PRKG1: variants seen among roughly 807,000 people sequenced by gnomAD.
The protein encoded by PRKG1 is protein kinase cGMP-dependent 1, also known as cGMP-dependent protein kinase 1.
Under a neutral mutation model 88.1 loss-of-function variants are expected in PRKG1, and 35 were observed. The observed-to-expected ratio is 0.40, with a 90% CI of 0.30 to 0.53. The LOEUF (loss-of-function observed/expected upper bound fraction) is 0.53, where lower values mean the gene tolerates loss of function less well. Ranked by LOEUF, PRKG1 falls within the 20% of genes least tolerant of loss-of-function variation. The pLI, the probability that PRKG1 is intolerant of heterozygous loss-of-function variation, is 0.59. For synonymous variants in PRKG1, 303 were observed against 292.5 expected, an observed-to-expected ratio of 1.04 and a Z score of -0.37; for missense variants, 540 against 839.8, an observed-to-expected ratio of 0.64 and a Z score of 4.41.
intron 2 of PRKG1, among the ~76,000 whole-genome samples, chr10:51,388,819 G>A (rs1163272923): frequency 2.0e-5 from 3 of 152,202 alleles, no homozygotes; most frequent in African/African-American, 4.8e-5. Flanking sequence ...AAGGTGGTCT[G>A]GTTAAAAGGA....
chr10:51,351,506 T>C (rs779427005), intron 2 of PRKG1, among the ~76,000 whole-genome samples: 5 of 147,872 alleles, frequency 3.4e-5, no homozygotes, highest in Non-Finnish European at 5.9e-5. Context: ...TCATCATCAG[T>C]GATGATGAGT....
intron 9 of PRKG1, among the ~76,000 whole-genome samples, chr10:52,224,142 A>G (rs1840319459): frequency 6.6e-6 from 1 of 152,100 alleles, no homozygotes; most frequent in South Asian, 2.1e-4. Flanking sequence ...GCCCCAGACA[A>G]CTTGCACCCC....
intron 11 of PRKG1, among the ~76,000 whole-genome samples, chr10:52,272,162 T>A (rs1841745213): frequency 6.6e-6 from 1 of 152,090 alleles, no homozygotes; most frequent in Non-Finnish European, 1.5e-5. Flanking sequence ...TTGTCCATAA[T>A]CATTATGATT....
chr10:51,982,459 T>C (rs1342818495), intron 5 of PRKG1, among the ~76,000 whole-genome samples: 1 of 152,226 alleles, frequency 6.6e-6, no homozygotes, highest in Non-Finnish European at 1.5e-5. Context: ...TTCTTCATGC[T>C]TTGAAGTCGC....
intron 2 of PRKG1, among the ~76,000 whole-genome samples, chr10:51,439,122 G>GC (rs968545978): frequency 2.8e-4 from 43 of 151,572 alleles, no homozygotes; most frequent in African/African-American, 4.3e-4. Flanking sequence ...AGAATGTTTC[G>GC]CCCCCCCTTA....
At chr10:51,915,270 C>T (rs11000111) in intron 5 of PRKG1, among the ~76,000 whole-genome samples, 29,999 of 152,202 alleles carry the variant, frequency 0.2, 3,443 homozygotes, top group East Asian at 0.49. Context: ...TCAGGAGAGA[C>T]ACTGATAAGG....
chr10:51,723,314 CT>C (rs1265212114), intron 3 of PRKG1, among the ~76,000 whole-genome samples: 1 of 152,152 alleles, frequency 6.6e-6, no homozygotes, highest in African/African-American at 2.4e-5. Flanking sequence ...GAGTTCATGT[CT>C]TTTGCAGGGA....
intron 3 of PRKG1, among the ~76,000 whole-genome samples, chr10:51,472,058 G>C (rs1278495880): frequency 2.0e-5 from 3 of 151,740 alleles, no homozygotes; most frequent in Non-Finnish European, 2.9e-5. Context: ...ACAAATTGAT[G>C]ACTTTAATAA....
At chr10:51,141,380 G>A (rs1010884646) in intron 1 of PRKG1, among the ~76,000 whole-genome samples, 3 of 152,072 alleles carry the variant, frequency 2.0e-5, no homozygotes, top group African/African-American at 7.3e-5. Context: ...TTTTCACAAA[G>A]GATACATTTT....
At chr10:52,095,257 A>C (rs1027439205) in intron 7 of PRKG1, among the ~76,000 whole-genome samples, 1 of 152,092 alleles carries the variant, frequency 6.6e-6, no homozygotes, top group African/African-American at 2.4e-5. Context: ...GATATACTAA[A>C]TTCCTCATTT....
At chr10:51,299,655 G>A (rs1232043202) in intron 2 of PRKG1, 1 of 459,592 alleles carries the variant, frequency 2.2e-6, no homozygotes, top group South Asian at 1.6e-5. Context: ...ATCAAGTTAG[G>A]ACTGCAGATA....
At chr10:51,810,092 C>T (rs1183227862) in intron 4 of PRKG1, among the ~76,000 whole-genome samples, 1 of 152,136 alleles carries the variant, frequency 6.6e-6, no homozygotes, top group Non-Finnish European at 1.5e-5. Context: ...AACCTGATAT[C>T]TCTCAAAACT....
chr10:52,282,387 C>G, intron 14 of PRKG1, 71 bp downstream of exon 14: 1 of 1,397,400 alleles, frequency 7.2e-7, no homozygotes, highest in African/African-American at 1.4e-5. Context: ...GCTTTTGTCA[C>G]TTGGATTAGA....
At chr10:51,737,647 T>C (rs1837313172) in intron 3 of PRKG1, among the ~76,000 whole-genome samples, 1 of 152,036 alleles carries the variant, frequency 6.6e-6, no homozygotes, top group Non-Finnish European at 1.5e-5. Flanking sequence ...TTCTGGTTCC[T>C]GCCCTGATCT....
At chr10:52,067,799 C>G (rs1846390097) in intron 7 of PRKG1, among the ~76,000 whole-genome samples, 2 of 151,776 alleles carry the variant, frequency 1.3e-5, no homozygotes, top group African/African-American at 4.8e-5. Context: ...TACAGAAGTA[C>G]TCCCTTATAT....
In PRKG1 at chr10:51,074,819, C is replaced by T; in HGVS notation, c.229C>T (p.Gln77Ter). 2 of 1,613,686 alleles carry T rather than the reference C, an allele frequency of 1.2e-6. No individual in the cohort carries two copies. Among genetic ancestry groups the T allele is most frequent in the Non-Finnish European group, 8.5e-7 (1 of 1,179,868 alleles). Residue 77 changes from glutamine (Q) to a stop codon, truncating the protein, a stop_gained, in exon 1 of 18, where the codon CAG (glutamine) becomes TAG (stop). Transcript: ENST00000373980. LOFTEE classifies it high-confidence loss of function. Reference sequence around the variant, plus strand: ...GCAGGGCGAGCCGCGCACCAAGCGGCAGGCGATCTCCGCCGAGCCCACCGC... The same window carrying T: ...GCAGGGCGAGCCGCGCACCAAGCGGTAGGCGATCTCCGCCGAGCCCACCGC... ...TLQGEPRTKR[Q>*]AISAEPTAFD...
chr10:51,907,702 A>G lies in PRKG1; in HGVS notation c.762+132A>G, dbSNP rs11000040. On this transcript the variant is annotated intron_variant, in intron 5 of 17. Coordinates refer to ENST00000373980, the MANE Select transcript of PRKG1 (RefSeq NM_006258.4). Reference sequence around the variant, plus strand: ...AAATTTCTAAGCTCTGGGATGAGCTATATATTTGGCTTCGTATAGAAAGCA... The same window carrying G: ...AAATTTCTAAGCTCTGGGATGAGCTGTATATTTGGCTTCGTATAGAAAGCA... The G allele has an allele frequency of 0.2, 139,874 of 688,884 alleles. 15,082 individuals are homozygous for G. Among genetic ancestry groups the G allele is most frequent in the Admixed American group, 0.31 (10,230 of 33,400 alleles). The allele number at this position is 688,884 out of a possible 1,614,324, so 42.7% of individuals were successfully genotyped here. A position where few individuals can be genotyped will look rare whatever the true frequency, so the allele number is the denominator to read the frequency against.
chr10:51,916,429 T>C (rs1430046934), intron 5 of PRKG1, among the ~76,000 whole-genome samples: 1 of 152,206 alleles, frequency 6.6e-6, no homozygotes, highest in Non-Finnish European at 1.5e-5. Flanking sequence ...AAGCCACCCC[T>C]TGCTTAGCAT....
intron 5 of PRKG1, among the ~76,000 whole-genome samples, chr10:51,995,392 C>T (rs1019843862): frequency 2.0e-5 from 3 of 152,152 alleles, no homozygotes; most frequent in African/African-American, 7.2e-5. Flanking sequence ...TCTGAATGAT[C>T]TGGATAATAA....
Sources: gnomAD v4.1 joint callset for allele counts (sites outside exome capture counted in the v4.1 genomes callset) on GRCh38, gnomAD v4.1.1 for gene constraint, MANE v1.5 for transcripts, NCBI Gene and HGNC (gene_info 2026-07-23, HGNC 2026-07-21) for gene names.